MUC5AC: variants seen among roughly 807,000 people sequenced by gnomAD.
MUC5AC encodes the protein mucin-5AC.
Under a neutral mutation model 169.7 loss-of-function variants are expected in MUC5AC, and 158 were observed. That is an observed-to-expected ratio of 0.93 (90% confidence interval 0.82 to 1.06). The LOEUF (loss-of-function observed/expected upper bound fraction) is 1.06. Ranked by LOEUF, MUC5AC falls within the 50% of genes least tolerant of loss-of-function variation. The pLI is 0.00. For missense variants in MUC5AC, 4,359 were observed against 3,089.9 expected (o/e 1.41, Z -9.74); for synonymous variants, 1,975 against 1,237.0 (o/e 1.60, Z -12.52).
Position 1,188,775 on chromosome 11 carries a change from A to T in MUC5AC, c.10630A>T (p.Lys3544Ter). ...FPSPGPHGGD[K>*]ETYNNIIRSG... Reference sequence around the variant, plus strand: ...ATCCCCTGGACCCCACGGTGGGGACAAGGAAACCTACAACAACATCATCAG... The same window carrying T: ...ATCCCCTGGACCCCACGGTGGGGACTAGGAAACCTACAACAACATCATCAG... Residue 3544 changes from lysine to a stop codon, truncating the protein, a stop_gained, in exon 31 of 49, where the codon AAG (lysine) becomes TAG (stop). Transcript: ENST00000621226. LOFTEE classifies it high-confidence loss of function. 1 of 754,962 alleles carries T rather than the reference A, an allele frequency of 1.3e-6. No homozygotes were observed. The highest frequency in any genetic ancestry group is 2.4e-6 in the Non-Finnish European group (1 of 411,838). The allele number at this position is 754,962 out of a possible 1,614,324, so 46.8% of individuals were successfully genotyped here. A position where few individuals can be genotyped will look rare whatever the true frequency, so the allele number is the denominator to read the frequency against.
intron 22 of MUC5AC, 74 bp downstream of exon 22, chr11:1,177,140 C>G: frequency 2.5e-6 from 1 of 398,712 alleles, no homozygotes; most frequent in Middle Eastern, 6.3e-4. Flanking sequence ...CTGCGGCTGC[C>G]CCAGGGTGCA....
chr11:1,167,751 G>A (rs747347224), intron 11 of MUC5AC, 126 bp from the exon 12 acceptor site: 60 of 785,676 alleles, frequency 7.6e-5, no homozygotes, highest in Non-Finnish European at 1.2e-4. Context: ...CCTCCCTCTC[G>A]GGGACTGGGA....
intron 19 of MUC5AC, among the ~76,000 whole-genome samples, chr11:1,175,792 ACT>A (rs1860664120): frequency 0.056 from 184 of 3,274 alleles, 3 homozygotes; most frequent in African/African-American, 0.14. Context: ...ATGCACACGC[ACT>A]CACACCCACC....
chr11:1,179,300 C>T, intron 26 of MUC5AC, 52 bp downstream of exon 26: 4 of 500,056 alleles, frequency 8.0e-6, no homozygotes, highest in East Asian at 3.1e-5. Context: ...GCAGCGTGTG[C>T]CCCACCACAC....
At position 1,186,464 on chromosome 11, in the gene MUC5AC, C is replaced by A. The variant is rs1318859885; in HGVS notation, c.8319C>A (p.Thr2773=). ...STTSATTTST[T]SATTTSTISA... ...CCTCTGCGACTACAACCAGCACAACCTCTGCTACTACAACCAGCACAATCT... is the reference window on the plus strand; with the variant it reads ...CCTCTGCGACTACAACCAGCACAACATCTGCTACTACAACCAGCACAATCT... The change falls in exon 31 of 49, where the codon ACC becomes ACA. Residue 2773 remains threonine (T), a synonymous_variant. Transcript: ENST00000621226. 5.7e-6 allele frequency: 4 copies of A among 697,926 alleles called. No individual in the cohort carries two copies. The highest frequency in any genetic ancestry group is 1.0e-5 in the Non-Finnish European group (4 of 382,444). The allele number at this position is 697,926 out of a possible 1,614,324, so 43.2% of individuals were successfully genotyped here. A position where few individuals can be genotyped will look rare whatever the true frequency, so the allele number is the denominator to read the frequency against.
At position 1,195,214 on chromosome 11, in the gene MUC5AC, G is replaced by C. The variant is rs28415193; in HGVS notation, c.15393G>C (p.Thr5131=). ...TVGPTTVGST[T]VGPTTPPAPC... ...GGCCCACCACAGTTGGGTCTACCACGGTCGGGCCCACCACACCGCCTGCTC... is the reference window on the plus strand; with the variant it reads ...GGCCCACCACAGTTGGGTCTACCACCGTCGGGCCCACCACACCGCCTGCTC... Residue 5131 remains threonine (T), a synonymous_variant, in exon 36 of 49, where the codon ACG becomes ACC. Coordinates refer to ENST00000621226, the MANE Select transcript of MUC5AC (RefSeq NM_001304359.2). 0.57 allele frequency: 432,315 copies of C among 760,410 alleles called. 125,881 individuals carry two copies. Among genetic ancestry groups the C allele is most frequent in the East Asian group, 0.66 (27,268 of 41,094 alleles). The allele number at this position is 760,410 out of a possible 1,614,324, so 47.1% of individuals were successfully genotyped here.
chr11:1,162,868 G>T, intron 5 of MUC5AC, 87 bp from the exon 6 acceptor site: 4 of 1,358,382 alleles, frequency 2.9e-6, no homozygotes, highest in Non-Finnish European at 4.2e-6. Context: ...CGTGGGCCTC[G>T]GCCCCTCCTC....
rs74046241 is a variant in MUC5AC at position 1,166,388 on chromosome 11, C to T, written c.1386+628C>T. ...CTGCACCCGACACACAGTCTCTCCA[C>T]AATGAGACCCTGCACCCGACACACA... On this transcript the variant is annotated intron_variant, in intron 11 of 48. Coordinates refer to ENST00000621226, the MANE Select transcript of MUC5AC (RefSeq NM_001304359.2). Among the ~76,000 whole-genome samples the T allele has an allele frequency of 2.1e-3, 283 of 136,250 alleles. 8 individuals are homozygous for T. Among genetic ancestry groups the T allele is most frequent in the African/African-American group, 7.7e-3 (271 of 35,276 alleles). The allele number at this position is 136,250 out of a possible 152,430, so 89.4% of individuals were successfully genotyped here. A position where few individuals can be genotyped will look rare whatever the true frequency, so the allele number is the denominator to read the frequency against.
Position 1,189,372 on chromosome 11 carries a change from A to G in MUC5AC, c.11227A>G (p.Ser3743Gly). 1 of 578,978 alleles carries G rather than the reference A, an allele frequency of 1.7e-6. No individual in the cohort carries two copies. The highest frequency in any genetic ancestry group is 3.1e-6 in the Non-Finnish European group (1 of 326,890). The allele number at this position is 578,978 out of a possible 1,614,324, so 35.9% of individuals were successfully genotyped here. A position where few individuals can be genotyped will look rare whatever the true frequency, so the allele number is the denominator to read the frequency against. The change falls in exon 31 of 49, where the codon AGC (serine) becomes GGC (glycine). Residue 3743 changes from serine (S) to glycine (G), a missense_variant. Transcript: ENST00000621226. ...CAGCACAATCTCTGCCCCTACAACC[A>G]GCACAATCTCTGCCCCTACAACCAG... The part of the protein sequence containing the change: ...TTSTISAPTT[S>G]TISAPTTSTT...
intron 9 of MUC5AC, 60 bp downstream of exon 9, chr11:1,164,592 C>A: frequency 6.5e-7 from 1 of 1,536,498 alleles, no homozygotes; most frequent in Non-Finnish European, 8.7e-7. Context: ...GGGCTGTGCT[C>A]CCATGGCCAA....
rs1861027386 is a variant in MUC5AC, at chr11:1,189,381, T to C, written c.11236T>C (p.Ser3746Pro). The C allele has an allele frequency of 3.5e-6, 2 of 573,368 alleles. No individual in the cohort carries two copies. The highest frequency in any genetic ancestry group is 6.2e-6 in the Non-Finnish European group (2 of 324,568). The allele number at this position is 573,368 out of a possible 1,614,324, so 35.5% of individuals were successfully genotyped here. ...TISAPTTSTI[S>P]APTTSTTSAP... ...CTCTGCCCCTACAACCAGCACAATC[T>C]CTGCCCCTACAACCAGCACAACCTC... Residue 3746 changes from serine to proline, a missense_variant, in exon 31 of 49, where the codon TCT (serine) becomes CCT (proline). Ser to Pro is a moderately conservative substitution (Grantham distance 74). Coordinates refer to ENST00000621226, the MANE Select transcript of MUC5AC (RefSeq NM_001304359.2).
At chr11:1,163,761 A>T in intron 6 of MUC5AC, 121 bp from the exon 7 acceptor site, 1 of 736,226 alleles carries the variant, frequency 1.4e-6, no homozygotes, top group Non-Finnish European at 2.3e-6. Flanking sequence ...ATGGGGCAGG[A>T]GCCACCGATG....
intron 15 of MUC5AC, 92 bp from the exon 16 acceptor site, chr11:1,172,337 T>C (rs1160394129): frequency 5.0e-6 from 2 of 398,332 alleles, no homozygotes; most frequent in Non-Finnish European, 8.8e-6. Context: ...CCAGAGAAGC[T>C]GGCCACCCAA....
intron 3 of MUC5AC, 64 bp downstream of exon 3, chr11:1,161,650 C>T (rs992237302): frequency 1.3e-6 from 2 of 1,525,932 alleles, no homozygotes; most frequent in African/African-American, 1.4e-5. Flanking sequence ...CCCGCTCAGG[C>T]CTGGAGGTGC....
chr11:1,158,013 G>A lies in MUC5AC; in HGVS notation c.14G>A (p.Arg5Gln), dbSNP rs752586982. ...GCCGTCCACACAATGAGTGTTGGCCGGAGGAAGCTGGCCCTGCTCTGGGCC... is the reference window on the plus strand; with the variant it reads ...GCCGTCCACACAATGAGTGTTGGCCAGAGGAAGCTGGCCCTGCTCTGGGCC... The part of the protein sequence containing the change: MSVG[R>Q]RKLALLWALA... The change falls in exon 1 of 49, where the codon CGG (arginine) becomes CAG (glutamine). Residue 5 changes from arginine (R) to glutamine (Q), a missense_variant. Physicochemically the swap from Arg to Gln is conservative, Grantham distance 43. Coordinates refer to ENST00000621226, the MANE Select transcript of MUC5AC (RefSeq NM_001304359.2). 1.2e-5 allele frequency: 19 copies of A among 1,602,620 alleles called. No homozygotes were observed. Among genetic ancestry groups the A allele is most frequent in the African/African-American group, 2.7e-5 (2 of 74,722 alleles).
At position 1,165,743 on chromosome 11, in the gene MUC5AC, A is replaced by C. The variant is rs753420472; in HGVS notation, c.1369A>C (p.Ser457Arg). The change falls in exon 11 of 49, where the codon AGC becomes CGC. Residue 457 changes from serine to arginine, a missense_variant. By Grantham distance (110) the Ser-to-Arg change is moderately radical. Coordinates refer to ENST00000621226, the MANE Select transcript of MUC5AC (RefSeq NM_001304359.2). ...GCAATACACGGTGCACGGCGACTGC[A>C]GCTATGTGCTGACCAAGGTACGGCC... ...GKQYTVHGDCSYVLTKPCDSS... is the reference protein window; with the variant it reads ...GKQYTVHGDCRYVLTKPCDSS... 2 of 1,612,094 alleles carry C rather than the reference A, an allele frequency of 1.2e-6. No individual in the cohort carries two copies. The highest frequency in any genetic ancestry group is 2.7e-5 in the African/African-American group (2 of 74,924).
At chr11:1,197,445 G>T in intron 40 of MUC5AC, 23 bp from the exon 41 acceptor site, 1 of 703,206 alleles carries the variant, frequency 1.4e-6, no homozygotes. Context: ...GCGGACGCTG[G>T]ACCTCAGTCC....
rs777274303 is a variant in MUC5AC at position 1,195,103 on chromosome 11, G to A, written c.15282G>A (p.Val5094=). 1 of 763,434 alleles carries A rather than the reference G, an allele frequency of 1.3e-6. No homozygotes were observed. Among genetic ancestry groups the A allele is most frequent in the East Asian group, 2.4e-5 (1 of 41,166 alleles). The allele number at this position is 763,434 out of a possible 1,614,324, so 47.3% of individuals were successfully genotyped here. A position where few individuals can be genotyped will look rare whatever the true frequency, so the allele number is the denominator to read the frequency against. The stretch of plus-strand genomic sequence containing the variant: ...CCGAGATGTCCGGCCTCTGGAACGT[G>A]AGCATACCCGACCAGCCAGCCTGCC... ...SCSEMSGLWN[V]SIPDQPACHR... is the part of the protein sequence containing the mutation. The change falls in exon 36 of 49, where the codon GTG becomes GTA. Residue 5094 remains valine (V), a synonymous_variant. Coordinates refer to ENST00000621226, the MANE Select transcript of MUC5AC (RefSeq NM_001304359.2).
Position 1,188,094 on chromosome 11 carries a change from G to A in MUC5AC, c.9949G>A (p.Val3317Met). The change falls in exon 31 of 49, where the codon GTG becomes ATG. Residue 3317 changes from valine to methionine, a missense_variant. Physicochemically the swap from Val to Met is conservative, Grantham distance 21 (BLOSUM62 1). Transcript: ENST00000621226. ...FKMCLNYEVR[V>M]LCCETPKGCP... The stretch of plus-strand genomic sequence containing the variant: ...GATGTGCCTCAACTACGAGGTGCGT[G>A]TGCTCTGCTGCGAGACCCCTAAAGG... 1 of 740,054 alleles carries A rather than the reference G, an allele frequency of 1.4e-6. No individual in the cohort carries two copies. The allele number at this position is 740,054 out of a possible 1,614,324, so 45.8% of individuals were successfully genotyped here.
Sources: gnomAD v4.1 joint callset for allele counts (sites outside exome capture counted in the v4.1 genomes callset) on GRCh38, gnomAD v4.1.1 for gene constraint, MANE v1.5 for transcripts, NCBI Gene and HGNC (gene_info 2026-07-23, HGNC 2026-07-21) for gene names.